FAM135B: variants seen among roughly 807,000 people sequenced by gnomAD.
FAM135B encodes the protein protein FAM135B.
A neutral mutation model predicts 127.7 loss-of-function variants in FAM135B; 43 were observed. The ratio of observed to expected loss-of-function variants is 0.34; its 90% confidence interval spans 0.26 to 0.43. FAM135B has a LOEUF of 0.43. Among genes scored for constraint, FAM135B ranks in the 20% least tolerant of loss-of-function variants. FAM135B has a pLI of 1.00. For synonymous variants in FAM135B, 670 were observed against 665.1 expected, an observed-to-expected ratio of 1.01 and a Z score of -0.11; for missense variants, 1,558 against 1,725.6, an observed-to-expected ratio of 0.90 and a Z score of 1.72.
intron 2 of FAM135B, among the ~76,000 whole-genome samples, chr8:138,324,914 A>T (rs1827698688): frequency 6.6e-6 from 1 of 152,210 alleles, no homozygotes; most frequent in African/African-American, 2.4e-5. Context: ...TAGCTAATGC[A>T]TACAAATTCT....
intron 3 of FAM135B, among the ~76,000 whole-genome samples, chr8:138,272,975 G>A (rs572074312): frequency 6.6e-6 from 1 of 152,318 alleles, no homozygotes; most frequent in Non-Finnish European, 1.5e-5. Flanking sequence ...AACTGGGGAT[G>A]GAAGAGCAAT....
intron 3 of FAM135B, among the ~76,000 whole-genome samples, chr8:138,300,266 TAA>T: frequency 6.8e-6 from 1 of 148,024 alleles, no homozygotes; most frequent in East Asian, 2.0e-4. Flanking sequence ...TGGGAATAAT[TAA>T]AAAAAAAAAT....
chr8:138,359,643 T>G (rs761041363), intron 2 of FAM135B, among the ~76,000 whole-genome samples: 2 of 152,164 alleles, frequency 1.3e-5, no homozygotes, highest in Non-Finnish European at 2.9e-5. Flanking sequence ...CTCAACATAT[T>G]TTAATAAGAG....
chr8:138,497,566 A>G (rs1815447394), upstream of FAM135B, among the ~76,000 whole-genome samples: 1 of 152,156 alleles, frequency 6.6e-6, no homozygotes, highest in African/African-American at 2.4e-5. Flanking sequence ...TGAACTTGGA[A>G]GAGAAGCCCA....
At chr8:138,331,504 C>G (rs1451393249) in intron 2 of FAM135B, among the ~76,000 whole-genome samples, 2 of 152,146 alleles carry the variant, frequency 1.3e-5, no homozygotes, top group Admixed American at 6.5e-5. Context: ...TGACTGACTT[C>G]TCCAAGCCGT....
At chr8:138,214,326 A>T (rs943507972) in intron 7 of FAM135B, among the ~76,000 whole-genome samples, 4 of 152,240 alleles carry the variant, frequency 2.6e-5, no homozygotes, top group African/African-American at 9.6e-5. Flanking sequence ...AGCATAATAC[A>T]CACACATAGT....
intron 1 of FAM135B, among the ~76,000 whole-genome samples, chr8:138,418,518 T>TG (rs954761748): frequency 2.8e-5 from 4 of 145,314 alleles, no homozygotes; most frequent in Admixed American, 2.2e-4. Flanking sequence ...AAGGTCAACA[T>TG]GAAAAAAAAA....
At chr8:138,297,832 G>A (rs1030680760) in intron 3 of FAM135B, among the ~76,000 whole-genome samples, 1 of 152,212 alleles carries the variant, frequency 6.6e-6, no homozygotes, top group African/African-American at 2.4e-5. Context: ...GGTGGATAAG[G>A]GGGTCAGGAT....
In FAM135B at chr8:138,131,448, C is replaced by A. The variant is rs907750738; in HGVS notation, c.*1145G>T. ...TAACAGCTTATGTTGAGTCTTCAGT[C>A]TGGTTGTTCTCCTCCTATCTGATCT... On this transcript the variant is annotated 3_prime_UTR_variant, in exon 20 of 20. Transcript: ENST00000395297. 11 of 152,634 alleles carry A rather than the reference C, an allele frequency of 7.2e-5. No individual in the cohort carries two copies. Among genetic ancestry groups the A allele is most frequent in the African/African-American group, 2.7e-4 (11 of 41,446 alleles). The allele number at this position is 152,634 out of a possible 1,614,324, so 9.5% of individuals were successfully genotyped here.
At chr8:138,396,769 C>T (rs574361658) in intron 1 of FAM135B, among the ~76,000 whole-genome samples, 116 of 152,264 alleles carry the variant, frequency 7.6e-4, no homozygotes, top group African/African-American at 2.8e-3. Flanking sequence ...ACTGACTCCA[C>T]TGGCCCCATC....
Position 138,357,461 on chromosome 8 carries a change from T to A in FAM135B, c.77+10446A>T, listed in dbSNP as rs1398287. 3.7e-4 allele frequency among the ~76,000 whole-genome samples: 57 copies of A among 152,250 alleles called. No individual in the cohort carries two copies. In the East Asian group the frequency reaches 9.8e-3, roughly 26 times the overall value. ...CTACATTTTTGTGAAGGAAAATACA[T>A]GTGAATATAAAATAGTTTGTGCCTA... On this transcript the variant is annotated intron_variant, in intron 2 of 19. Coordinates refer to ENST00000395297, the MANE Select transcript of FAM135B (RefSeq NM_015912.4).
intron 1 of FAM135B, among the ~76,000 whole-genome samples, chr8:138,371,273 C>A (rs920695459): frequency 6.6e-6 from 1 of 152,184 alleles, no homozygotes; most frequent in African/African-American, 2.4e-5. Flanking sequence ...TAGTGTCTGG[C>A]ATATTGTTGG....
At chr8:138,179,637 G>A (rs954110753) in intron 9 of FAM135B, among the ~76,000 whole-genome samples, 1 of 152,186 alleles carries the variant, frequency 6.6e-6, no homozygotes, top group African/African-American at 2.4e-5. Context: ...GGCAATTCAT[G>A]CACGATAGGT....
intron 1 of FAM135B, among the ~76,000 whole-genome samples, chr8:138,488,469 G>C (rs928921233): frequency 6.6e-6 from 1 of 151,938 alleles, no homozygotes; most frequent in African/African-American, 2.4e-5. Context: ...GACTACACAG[G>C]GTTATTTAAC....
At chr8:138,263,955 C>T (rs1424450585) in intron 4 of FAM135B, among the ~76,000 whole-genome samples, 1 of 152,114 alleles carries the variant, frequency 6.6e-6, no homozygotes, top group Non-Finnish European at 1.5e-5. Context: ...GCCATTGCAC[C>T]CTTCTAACAA....
chr8:138,225,130 TTAGA>T (rs1176617439), intron 7 of FAM135B, among the ~76,000 whole-genome samples: 12 of 152,302 alleles, frequency 7.9e-5, no homozygotes, highest in African/African-American at 2.6e-4. Context: ...GAGTGACAGA[TTAGA>T]TAGATATGTT....
chr8:138,364,849 A>G (rs1472070260), intron 2 of FAM135B, among the ~76,000 whole-genome samples: 3 of 152,082 alleles, frequency 2.0e-5, no homozygotes, highest in African/African-American at 7.2e-5. Context: ...ATCACATAAC[A>G]TTTTGGGTTT....
At chr8:138,303,108 T>C (rs922917015) in intron 3 of FAM135B, among the ~76,000 whole-genome samples, 2 of 152,204 alleles carry the variant, frequency 1.3e-5, no homozygotes, top group Non-Finnish European at 2.9e-5. Context: ...GGATTATAAA[T>C]CATTCTACTA....
At chr8:138,449,725 C>G (rs535818238) in intron 1 of FAM135B, among the ~76,000 whole-genome samples, 1 of 151,992 alleles carries the variant, frequency 6.6e-6, no homozygotes, top group Non-Finnish European at 1.5e-5. Context: ...TCCCATAAAC[C>G]CCCTGTCCCC....
Sources: allele counts gnomAD v4.1 joint callset (sites outside exome capture counted in the v4.1 genomes callset), GRCh38; gene constraint gnomAD v4.1.1; transcripts MANE v1.5; gene names NCBI Gene and HGNC (gene_info 2026-07-23, HGNC 2026-07-21).